Variants in GET1 observed in about 807,000 individuals in gnomAD.
The protein encoded by GET1 is congenital heart disease 5 protein.
Under a neutral mutation model 22.6 loss-of-function variants are expected in GET1, and 20 were observed. The ratio of observed to expected loss-of-function variants is 0.89; its 90% confidence interval spans 0.62 to 1.29. The LOEUF (loss-of-function observed/expected upper bound fraction) is 1.29, where lower values mean the gene tolerates loss of function less well. GET1 is among the 50% of genes most tolerant of loss of function. The pLI, the probability that GET1 is intolerant of heterozygous loss-of-function variation, is 0.00. For synonymous variants in GET1, 92 were observed against 83.8 expected, an observed-to-expected ratio of 1.10 and a Z score of -0.53; for missense variants, 209 against 219.9, an observed-to-expected ratio of 0.95 and a Z score of 0.31.
chr21:39,427,789 G>C (rs991988633), intron 1 of GET1: 2 of 156,286 alleles, frequency 1.3e-5, no homozygotes, highest in Non-Finnish European at 2.8e-5. Context: ...TTGGGGTGCT[G>C]AGATAGGTAT....
At chr21:39,389,306 A>G (rs2038140896) in intron 1 of GET1, among the ~76,000 whole-genome samples, 1 of 151,414 alleles carries the variant, frequency 6.6e-6, no homozygotes, top group Admixed American at 6.6e-5. Context: ...TTTTGAGACA[A>G]GGTCTCACCC....
At chr21:39,424,522 C>T (rs529940925) in intron 1 of GET1, among the ~76,000 whole-genome samples, 14 of 152,290 alleles carry the variant, frequency 9.2e-5, no homozygotes, top group African/African-American at 2.9e-4. Flanking sequence ...CTGAAATTTA[C>T]TAAGTGCTTA....
At chr21:39,403,027 G>A (rs944072495) in intron 4 of GET1, among the ~76,000 whole-genome samples, 15 of 152,132 alleles carry the variant, frequency 9.9e-5, no homozygotes, top group Non-Finnish European at 1.9e-4. Context: ...TTCATTGTGG[G>A]TGGGCATAAG....
chr21:39,410,840 C>T (rs1235596967), downstream of GET1: 1 of 470,988 alleles, frequency 2.1e-6, no homozygotes, highest in Non-Finnish European at 4.4e-6. Flanking sequence ...CTCTATTATT[C>T]TAGATTATAA....
chr21:39,412,902 C>G (rs1237930373), intron 1 of GET1, among the ~76,000 whole-genome samples: 2 of 152,204 alleles, frequency 1.3e-5, no homozygotes, highest in Non-Finnish European at 2.9e-5. Flanking sequence ...CTTACCCTTG[C>G]AACCAGTGGG....
At chr21:39,391,743 A>C (rs777942874) in intron 2 of GET1, 26 bp from the exon 3 acceptor site, 3 of 1,611,026 alleles carry the variant, frequency 1.9e-6, no homozygotes, top group Non-Finnish European at 1.7e-6. Flanking sequence ...GACTGACATA[A>C]TTATTTATCC....
intron 4 of GET1, among the ~76,000 whole-genome samples, chr21:39,393,776 A>G (rs1362424041): frequency 1.3e-5 from 2 of 151,968 alleles, no homozygotes; most frequent in Non-Finnish European, 2.9e-5. Flanking sequence ...CAGCCTCCCA[A>G]CTAGCTGAAA....
At chr21:39,384,699 T>C (rs2037776061) in intron 1 of GET1, among the ~76,000 whole-genome samples, 1 of 152,116 alleles carries the variant, frequency 6.6e-6, no homozygotes, top group African/African-American at 2.4e-5. Flanking sequence ...TCATTAGTTA[T>C]TTTTCCTGAT....
intron 1 of GET1, among the ~76,000 whole-genome samples, chr21:39,413,633 A>ATC (rs1222267637): frequency 6.6e-6 from 1 of 152,214 alleles, no homozygotes; most frequent in Non-Finnish European, 1.5e-5. Flanking sequence ...TTAACAGTTC[A>ATC]TCTCTCTTTT....
chr21:39,403,957 G>C (rs2038916703), intron 4 of GET1, among the ~76,000 whole-genome samples: 1 of 149,864 alleles, frequency 6.7e-6, no homozygotes, highest in Admixed American at 6.6e-5. Flanking sequence ...ACAGGGTCTT[G>C]CTCCTTCGCC....
At chr21:39,380,889 G>T in intron 1 of GET1, 4 of 986,898 alleles carry the variant, frequency 4.1e-6, no homozygotes, top group Non-Finnish European at 4.8e-6. Flanking sequence ...CCGGAGAGAT[G>T]GATCCTCGCG....
At position 39,422,225 on chromosome 21, in the gene GET1, A is replaced by G. The variant is rs1343692407; in HGVS notation, c.*24-6007A>G. On this transcript the variant is annotated intron_variant, in intron 1 of 1. Coordinates refer to the GET1 transcript ENST00000478273. ...GAAAATACTCGTGTTTCAGCATCAA[A>G]TATTACAGAATTAAATCCTAAATTA... The G allele has an allele frequency of 2.0e-5, 3 of 152,238 alleles. 1 individual carries two copies. In the South Asian group the frequency reaches 6.2e-4, roughly 31 times the overall value. The allele number at this position is 152,238 out of a possible 1,614,324, so 9.4% of individuals were successfully genotyped here.
rs149253441 is a variant in GET1, at chr21:39,427,405, G to C, written c.*24-827G>C. ...GAGCCGGGCGCGGTGGCTCACGCCT[G>C]TAATCCCAGCACTTTGGGAGGCCGA... is the stretch of plus-strand genomic sequence containing the variant. On this transcript the variant is annotated intron_variant, in intron 1 of 1. Transcript: ENST00000478273. 2.0e-5 allele frequency among the ~76,000 whole-genome samples: 3 copies of C among 152,306 alleles called. No homozygotes were observed. In the South Asian group the frequency reaches 6.2e-4, roughly 32 times the overall value.
chr21:39,409,105 G>A (rs2039617228), downstream of GET1, among the ~76,000 whole-genome samples: 2 of 152,152 alleles, frequency 1.3e-5, no homozygotes, highest in Non-Finnish European at 2.9e-5. This position sits in a 1 kb window ranked among gnomAD's most constrained non-coding sequence, Gnocchi z 4.2. Context: ...TCACAAGGTT[G>A]GGGCCTTCAT....
intron 4 of GET1, among the ~76,000 whole-genome samples, chr21:39,403,380 G>A (rs908290853): frequency 1.3e-5 from 2 of 152,284 alleles, no homozygotes; most frequent in South Asian, 4.1e-4. Context: ...AGGCTGGAGT[G>A]CAGTGGTGCG....
intron 1 of GET1, chr21:39,420,607 T>C: frequency 5.8e-6 from 6 of 1,035,828 alleles, no homozygotes; most frequent in East Asian, 2.6e-5. Context: ...TATATATGTA[T>C]GTAAAATAAA....
downstream of GET1, among the ~76,000 whole-genome samples, chr21:39,407,210 G>C (rs895301763): frequency 6.6e-6 from 1 of 152,200 alleles, no homozygotes; most frequent in Non-Finnish European, 1.5e-5. Context: ...TTGGGCAACA[G>C]AGCAGAGCTG....
chr21:39,409,783 A>G (rs536882298), downstream of GET1, among the ~76,000 whole-genome samples: 1 of 152,170 alleles, frequency 6.6e-6, no homozygotes, highest in African/African-American at 2.4e-5. This position sits in a 1 kb window ranked among gnomAD's most constrained non-coding sequence, Gnocchi z 4.2. Context: ...TAGTAGAGAT[A>G]GGGTTTCACC....
At chr21:39,411,288 G>T, downstream of GET1, 1 of 209,904 alleles carries the variant, frequency 4.8e-6, no homozygotes, top group South Asian at 7.8e-5. Context: ...CTTGATTGGG[G>T]TGGTGGCTCC....
Sources: allele counts gnomAD v4.1 joint callset (sites outside exome capture counted in the v4.1 genomes callset), GRCh38; gene constraint gnomAD v4.1.1; non-coding constraint Gnocchi (gnomAD v3.1); transcripts MANE v1.5; gene names NCBI Gene and HGNC (gene_info 2026-07-23, HGNC 2026-07-21).